The following CDK6 variants were observed in gnomAD, a reference collection of about 807,000 sequenced individuals.
CDK6 encodes cyclin-dependent kinase 6.
A neutral mutation model predicts 37.1 loss-of-function variants in CDK6; 6 were observed. That is an observed-to-expected ratio of 0.16 (90% CI 0.09 to 0.32). The LOEUF (loss-of-function observed/expected upper bound fraction) is 0.32. CDK6 is among the 10% of genes least tolerant of loss of function. The pLI is 1.00. For missense variants in CDK6, 224 were observed against 418.9 expected, an observed-to-expected ratio of 0.53 and a Z score of 4.06; for synonymous variants, 160 against 161.3, an observed-to-expected ratio of 0.99 and a Z score of 0.06.
intron 4 of CDK6, among the ~76,000 whole-genome samples, chr7:92,700,034 T>G (rs1263556226): frequency 6.6e-6 from 1 of 152,200 alleles, no homozygotes; most frequent in South Asian, 2.1e-4. Context: ...GCAAATGTTA[T>G]ATACACATCA....
At chr7:92,740,236 G>C (rs1798887846) in intron 3 of CDK6, among the ~76,000 whole-genome samples, 1 of 152,172 alleles carries the variant, frequency 6.6e-6, no homozygotes, top group Admixed American at 6.5e-5. Flanking sequence ...AGGGTAACAT[G>C]CTCTATTATA....
At chr7:92,669,835 T>TG (rs1797036041) in intron 5 of CDK6, among the ~76,000 whole-genome samples, 1 of 152,216 alleles carries the variant, frequency 6.6e-6, no homozygotes, top group Non-Finnish European at 1.5e-5. Context: ...GTTCTTATCC[T>TG]GGAGGCTGTA....
intron 4 of CDK6, among the ~76,000 whole-genome samples, chr7:92,718,052 G>A (rs1667264989): frequency 6.6e-6 from 1 of 152,142 alleles, no homozygotes; most frequent in African/African-American, 2.4e-5. Flanking sequence ...CCAGCCCTGG[G>A]AATCCTAAAG....
rs190135784 is a variant in CDK6 at position 92,659,497 on chromosome 7, T to C, written c.647+11929A>G. ...ACTAGAAAATTCAAAAATACATTTG[T>C]GGCTCTCATTACATTTCTCCCAGAC... On this transcript the variant is annotated intron_variant, in intron 5 of 7. Transcript: ENST00000424848. Among the ~76,000 whole-genome samples the C allele has an allele frequency of 9.2e-5, 14 of 152,326 alleles. No individual in the cohort carries two copies. In the East Asian group the frequency reaches 2.7e-3, roughly 29 times the overall value.
chr7:92,827,042 T>C (rs1801340803), intron 2 of CDK6, among the ~76,000 whole-genome samples: 1 of 152,200 alleles, frequency 6.6e-6, no homozygotes, highest in South Asian at 2.1e-4. Context: ...ATGTTTAATA[T>C]AAACCTCTGT....
intron 4 of CDK6, among the ~76,000 whole-genome samples, chr7:92,673,316 G>A (rs947335574): frequency 6.6e-6 from 1 of 152,080 alleles, no homozygotes; most frequent in Admixed American, 6.5e-5. Flanking sequence ...TGATTATATG[G>A]CAACATCAAA....
In CDK6 at chr7:92,623,249, T is replaced by C. The variant is rs369600643; in HGVS notation, c.648-163A>G. The stretch of plus-strand genomic sequence containing the variant: ...TCCTTTGGTAAGTGAAGGTTTTCCC[T>C]GCATTTCATGTATGGGTTAGGATCT... On this transcript the variant is annotated intron_variant, in intron 5 of 7. Coordinates refer to ENST00000424848, the MANE Select transcript of CDK6 (RefSeq NM_001145306.2). Among the ~76,000 whole-genome samples the C allele has an allele frequency of 3.3e-5, 5 of 152,282 alleles. No homozygotes were observed. In the East Asian group the frequency reaches 9.7e-4, roughly 29 times the overall value.
At chr7:92,692,489 T>C (rs1199623457) in intron 4 of CDK6, among the ~76,000 whole-genome samples, 1 of 152,006 alleles carries the variant, frequency 6.6e-6, no homozygotes, top group Admixed American at 6.6e-5. Context: ...ATGAAGAGTA[T>C]GAAAATTATC....
chr7:92,760,469 A>G (rs1799426595), intron 3 of CDK6, among the ~76,000 whole-genome samples: 1 of 152,148 alleles, frequency 6.6e-6, no homozygotes, highest in African/African-American at 2.4e-5. Flanking sequence ...TTGGGCTATA[A>G]AGATTCAGAT....
chr7:92,822,531 G>C (rs374335613), intron 2 of CDK6, among the ~76,000 whole-genome samples: 1 of 152,080 alleles, frequency 6.6e-6, no homozygotes, highest in Non-Finnish European at 1.5e-5. Flanking sequence ...TATTCACTCA[G>C]TCATTTACTC....
At chr7:92,810,559 A>C (rs988509567) in intron 2 of CDK6, among the ~76,000 whole-genome samples, 4 of 152,236 alleles carry the variant, frequency 2.6e-5, no homozygotes, top group Non-Finnish European at 5.9e-5. Flanking sequence ...GACAACTGTC[A>C]TGACGAAAAG....
At chr7:92,678,238 T>C (rs573063151) in intron 4 of CDK6, among the ~76,000 whole-genome samples, 19 of 152,252 alleles carry the variant, frequency 1.2e-4, no homozygotes, top group African/African-American at 3.8e-4. Flanking sequence ...AGATCAACAT[T>C]TAGAAATCCG....
chr7:92,698,250 C>G (rs979269856), intron 4 of CDK6, among the ~76,000 whole-genome samples: 2 of 152,238 alleles, frequency 1.3e-5, no homozygotes, highest in Admixed American at 6.5e-5. Context: ...CCAGTTACAA[C>G]TGAACTCCTC....
At position 92,725,762 on chromosome 7, in the gene CDK6, T is replaced by C; in HGVS notation, c.401A>G (p.Asp134Gly). Residue 134 changes from aspartate to glycine, a missense_variant, in exon 4 of 8, where the codon GAC (aspartate) becomes GGC (glycine). By Grantham distance (94) the Asp-to-Gly change is moderately conservative. Transcript: ENST00000424848. ...DMMFQLLRGL[D>G]FLHSHRVVHR... ...CACTACTCGGTGTGAATGAAGAAAGTCCAGACCTCGGAGAAGCTGAAACAT... is the reference window on the plus strand; with the variant it reads ...CACTACTCGGTGTGAATGAAGAAAGCCCAGACCTCGGAGAAGCTGAAACAT... The C allele has an allele frequency of 6.2e-7, 1 of 1,613,826 alleles. No homozygotes were observed.
At chr7:92,747,704 C>A (rs946769245) in intron 3 of CDK6, among the ~76,000 whole-genome samples, 3 of 152,174 alleles carry the variant, frequency 2.0e-5, no homozygotes, top group Admixed American at 1.3e-4. Context: ...TCATTTGTAA[C>A]ACACTGTATT....
chr7:92,677,609 A>G (rs1797235503), intron 4 of CDK6, among the ~76,000 whole-genome samples: 1 of 152,258 alleles, frequency 6.6e-6, no homozygotes, highest in Non-Finnish European at 1.5e-5. Context: ...CTGTCTCAAA[A>G]AAAAGGAAAA....
intron 5 of CDK6, among the ~76,000 whole-genome samples, chr7:92,625,535 A>G (rs1316406861): frequency 6.8e-6 from 1 of 146,042 alleles, no homozygotes; most frequent in African/African-American, 2.5e-5. Context: ...AGTTTTGCAA[A>G]AAAAAACAAA....
chr7:92,632,118 G>A (rs1038223310), intron 5 of CDK6, among the ~76,000 whole-genome samples: 1 of 152,004 alleles, frequency 6.6e-6, no homozygotes, highest in Non-Finnish European at 1.5e-5. Flanking sequence ...TTGTGGGTGT[G>A]TCTTTGAGTA....
At chr7:92,784,257 C>G (rs1391309027) in intron 2 of CDK6, among the ~76,000 whole-genome samples, 1 of 152,120 alleles carries the variant, frequency 6.6e-6, no homozygotes, top group Non-Finnish European at 1.5e-5. Context: ...AACAGCTAAA[C>G]AATAGCTGTT....
Sources: allele counts gnomAD v4.1 joint callset (sites outside exome capture counted in the v4.1 genomes callset), GRCh38; gene constraint gnomAD v4.1.1; transcripts MANE v1.5; gene names NCBI Gene and HGNC (gene_info 2026-07-23, HGNC 2026-07-21).